The following ZDHHC18 variants were observed in gnomAD, a reference collection of about 807,000 sequenced individuals.
ZDHHC18 encodes the protein zDHHC palmitoyltransferase 18.
Under a neutral mutation model 37.5 loss-of-function variants are expected in ZDHHC18, and 23 were observed. That is an observed-to-expected ratio of 0.61 (90% CI 0.44 to 0.87). The LOEUF (loss-of-function observed/expected upper bound fraction) is 0.87, where lower values mean the gene tolerates loss of function less well. ZDHHC18 is among the 40% of genes least tolerant of loss of function. The pLI, the probability that ZDHHC18 is intolerant of heterozygous loss-of-function variation, is 0.00. For synonymous variants in ZDHHC18, 185 were observed against 218.7 expected (o/e 0.85, Z 1.36); for missense variants, 406 against 525.6 (o/e 0.77, Z 2.22).
chr1:26,827,429 G>T (rs1170874192), intron 1 of ZDHHC18, among the ~76,000 whole-genome samples: 2 of 150,234 alleles, frequency 1.3e-5, no homozygotes, highest in East Asian at 4.0e-4. Flanking sequence ...CTGTCTGCCT[G>T]CCACTGCCAG....
chr1:26,833,061 T>C (rs1160010445), intron 2 of ZDHHC18, among the ~76,000 whole-genome samples: 1 of 152,232 alleles, frequency 6.6e-6, no homozygotes, highest in Non-Finnish European at 1.5e-5. Flanking sequence ...TATACACTTA[T>C]TCATTCACTC....
At chr1:26,841,367 C>T (rs1165698197) in intron 2 of ZDHHC18, among the ~76,000 whole-genome samples, 1 of 152,120 alleles carries the variant, frequency 6.6e-6, no homozygotes, top group Non-Finnish European at 1.5e-5. Flanking sequence ...CTCCTGGCCT[C>T]AAGCAATCCT....
intron 2 of ZDHHC18, among the ~76,000 whole-genome samples, chr1:26,844,483 GT>G (rs1187301584): frequency 6.6e-6 from 1 of 152,178 alleles, no homozygotes; most frequent in East Asian, 1.9e-4. Context: ...TAGTTCTGGA[GT>G]TTGTCTATTA....
At chr1:26,852,980 C>G in intron 7 of ZDHHC18, 115 bp downstream of exon 7, 3 of 799,354 alleles carry the variant, frequency 3.8e-6, no homozygotes, top group Non-Finnish European at 5.9e-6. Context: ...CGTCCACTAC[C>G]CCCTGGAGGG....
chr1:26,847,896 G>T (rs2081680297), intron 2 of ZDHHC18, among the ~76,000 whole-genome samples: 1 of 152,126 alleles, frequency 6.6e-6, no homozygotes, highest in Non-Finnish European at 1.5e-5. Context: ...GATCAGGCCA[G>T]CAGTCTTGTA....
chr1:26,828,276 A>G (rs960307283), intron 1 of ZDHHC18, among the ~76,000 whole-genome samples: 1 of 131,770 alleles, frequency 7.6e-6, no homozygotes, highest in Non-Finnish European at 1.5e-5. Context: ...CCTCTTAATT[A>G]TACAGTGTAG....
At position 26,854,400 on chromosome 1, in the gene ZDHHC18, G is replaced by A. The variant is rs189537417; in HGVS notation, c.*557G>A. The A allele has an allele frequency of 6.5e-6, 1 of 153,038 alleles. No homozygotes were observed. Among genetic ancestry groups the A allele is most frequent in the Admixed American group, 6.5e-5 (1 of 15,318 alleles). The allele number at this position is 153,038 out of a possible 1,614,324, so 9.5% of individuals were successfully genotyped here. ...TTATGGAGTTGGCCAATAGGATTGA[G>A]TTGGGGCTCCAGTAGAGAAGGCAGG... On this transcript the variant is annotated 3_prime_UTR_variant, in exon 8 of 8. Coordinates refer to ENST00000374142, the MANE Select transcript of ZDHHC18 (RefSeq NM_032283.3). This position sits in a 1 kb window ranked among gnomAD's most constrained non-coding sequence, Gnocchi z 4.6.
intron 2 of ZDHHC18, among the ~76,000 whole-genome samples, chr1:26,848,059 T>A (rs1009428544): frequency 1.3e-5 from 2 of 152,182 alleles, no homozygotes; most frequent in Admixed American, 6.5e-5. Flanking sequence ...ACTCCTATAA[T>A]CCTGGCTGTT....
At chr1:26,840,629 A>G (rs1277386945) in intron 2 of ZDHHC18, among the ~76,000 whole-genome samples, 1 of 151,800 alleles carries the variant, frequency 6.6e-6, no homozygotes, top group Admixed American at 6.6e-5. Flanking sequence ...TTTAGTAGAG[A>G]TGGGGTTTCA....
intron 1 of ZDHHC18, among the ~76,000 whole-genome samples, chr1:26,827,530 C>A (rs529729316): frequency 2.6e-5 from 4 of 152,246 alleles, no homozygotes; most frequent in Non-Finnish European, 5.9e-5. Flanking sequence ...CCCTCCTGCT[C>A]ACCCATCCCT....
intron 2 of ZDHHC18, 139 bp from the exon 3 acceptor site, chr1:26,848,469 A>T: frequency 8.9e-7 from 1 of 1,128,832 alleles, no homozygotes; most frequent in Non-Finnish European, 1.3e-6. Flanking sequence ...CAGACATTTT[A>T]CTCCAATGTT....
Position 26,857,102 on chromosome 1 carries a change from C to G in ZDHHC18, c.*3259C>G, listed in dbSNP as rs1287114828. The G allele has an allele frequency of 6.6e-6, 1 of 152,488 alleles. No individual in the cohort carries two copies. The highest frequency in any genetic ancestry group is 2.4e-5 in the African/African-American group (1 of 41,478). The allele number at this position is 152,488 out of a possible 1,614,324, so 9.4% of individuals were successfully genotyped here. On this transcript the variant is annotated 3_prime_UTR_variant, in exon 8 of 8. Transcript: ENST00000374142. ...AGAGTGTAGAAAGCCATAACGCAGC[C>G]ATCAGCACAATAATGTGACTCTACG... is the stretch of plus-strand genomic sequence containing the variant.
intron 2 of ZDHHC18, among the ~76,000 whole-genome samples, chr1:26,841,143 A>AAAT (rs1391317123): frequency 2.8e-4 from 42 of 151,850 alleles, no homozygotes; most frequent in Middle Eastern, 3.2e-3. Flanking sequence ...CACCTGGCTA[A>AAAT]TTTTTGTATT....
At chr1:26,846,304 A>ATT (rs2081665557) in intron 2 of ZDHHC18, among the ~76,000 whole-genome samples, 1 of 48,820 alleles carries the variant, frequency 2.0e-5, no homozygotes, top group South Asian at 9.4e-4. Flanking sequence ...ATATATATAT[A>ATT]TATATATTTT....
chr1:26,843,855 A>T (rs1462066320), intron 2 of ZDHHC18, among the ~76,000 whole-genome samples: 1 of 152,148 alleles, frequency 6.6e-6, no homozygotes, highest in Non-Finnish European at 1.5e-5. Flanking sequence ...GAATGTACAC[A>T]TGTAATCAGC....
At position 26,850,199 on chromosome 1, in the gene ZDHHC18, G is replaced by A. The variant is rs2081695034; in HGVS notation, c.647-102G>A. On this transcript the variant is annotated intron_variant, in intron 3 of 7. Transcript: ENST00000374142. The surrounding 1 kb of genome is among the most constrained non-coding windows in gnomAD (Gnocchi z 6.1). The stretch of plus-strand genomic sequence containing the variant: ...CTGGGAGCCAGCTGGTGCTGCGAGA[G>A]TGAACGGGGTAGGAAAGCCCCAGCC... 1 of 1,452,100 alleles carries A rather than the reference G, an allele frequency of 6.9e-7. No homozygotes were observed. The highest frequency in any genetic ancestry group is 1.4e-5 in the African/African-American group (1 of 70,788). The allele number at this position is 1,452,100 out of a possible 1,614,324, so 90.0% of individuals were successfully genotyped here. A position where few individuals can be genotyped will look rare whatever the true frequency, so the allele number is the denominator to read the frequency against.
At chr1:26,852,909 G>A (rs1196420197) in intron 7 of ZDHHC18, 44 bp downstream of exon 7, 2 of 1,581,554 alleles carry the variant, frequency 1.3e-6, no homozygotes, top group East Asian at 4.5e-5. Context: ...GGCCATGCCT[G>A]GCCAGTGATC....
intron 2 of ZDHHC18, among the ~76,000 whole-genome samples, chr1:26,842,939 A>G (rs2081645847): frequency 6.6e-6 from 1 of 152,102 alleles, no homozygotes; most frequent in Non-Finnish European, 1.5e-5. Context: ...GGCTGGGGGT[A>G]TAGGCTGCCC....
intron 2 of ZDHHC18, among the ~76,000 whole-genome samples, chr1:26,844,187 A>C (rs1240506837): frequency 6.6e-6 from 1 of 151,986 alleles, no homozygotes; most frequent in Non-Finnish European, 1.5e-5. Flanking sequence ...TTACAGGTGC[A>C]CACCACCATG....
Sources: allele counts gnomAD v4.1 joint callset (sites outside exome capture counted in the v4.1 genomes callset), GRCh38; gene constraint gnomAD v4.1.1; non-coding constraint Gnocchi (gnomAD v3.1); transcripts MANE v1.5; gene names NCBI Gene and HGNC (gene_info 2026-07-23, HGNC 2026-07-21).